The following ACCSL variants were observed in gnomAD, a reference collection of about 807,000 sequenced individuals.
The protein encoded by ACCSL is 1-aminocyclopropane-1-carboxylate synthase homolog (inactive) like.
A neutral mutation model predicts 61.7 loss-of-function variants in ACCSL; 55 were observed. The ratio of observed to expected loss-of-function variants is 0.89; its 90% CI spans 0.72 to 1.12. The LOEUF is 1.12. ACCSL is among the 50% of genes most tolerant of loss of function. The pLI, the probability that ACCSL is intolerant of heterozygous loss-of-function variation, is 0.00. For synonymous variants in ACCSL, 258 were observed against 264.3 expected (o/e 0.98, Z 0.23); for missense variants, 632 against 698.0 (o/e 0.91, Z 1.07).
Position 44,056,313 on chromosome 11 carries a change from G to A in ACCSL, c.1314G>A (p.Leu438=). 6.2e-7 allele frequency: 1 copy of A among 1,613,740 alleles called. No individual in the cohort carries two copies. Residue 438 remains leucine, a synonymous_variant, in exon 11 of 14, where the codon CTG becomes CTA. Coordinates refer to ENST00000378832, the MANE Select transcript of ACCSL (RefSeq NM_001031854.2). The part of the protein sequence containing the change: ...SGITQHKLCQ[L]LQNTEWIDKV... Reference sequence around the variant, plus strand: ...TCACCCAGCACAAGCTGTGTCAACTGCTCCAGAACACAGGTACTGAGCTCT... The same window carrying A: ...TCACCCAGCACAAGCTGTGTCAACTACTCCAGAACACAGGTACTGAGCTCT...
At chr11:43,970,698 C>G in the ACCSL span, among the ~76,000 whole-genome samples, 3 of 152,120 alleles carry the variant, frequency 2.0e-5, no homozygotes, top group African/African-American at 7.2e-5. Flanking sequence ...TTCCTCCTCC[C>G]CATTTATTTA....
intron 8 of ACCSL, among the ~76,000 whole-genome samples, chr11:44,054,708 G>T (rs565223702): frequency 1.3e-5 from 2 of 152,202 alleles, no homozygotes; most frequent in Admixed American, 6.5e-5. Flanking sequence ...ACCCACCTCG[G>T]CCTCCCAAAG....
At chr11:43,984,728 G>A in the ACCSL span, among the ~76,000 whole-genome samples, 6 of 152,346 alleles carry the variant, frequency 3.9e-5, no homozygotes, top group East Asian at 1.2e-3. Context: ...GCTTCCCCTC[G>A]TAGGACAATG....
the ACCSL span, among the ~76,000 whole-genome samples, chr11:44,013,129 A>G: frequency 3.9e-5 from 6 of 152,250 alleles, no homozygotes; most frequent in East Asian, 1.2e-3. Context: ...CTATATATGC[A>G]TATAAAGAAA....
At chr11:43,946,762 C>T in the ACCSL span, among the ~76,000 whole-genome samples, 1 of 152,074 alleles carries the variant, frequency 6.6e-6, no homozygotes, top group Non-Finnish European at 1.5e-5. Context: ...TTCCCACAAA[C>T]GGGTAGTTCT....
the ACCSL span, among the ~76,000 whole-genome samples, chr11:43,964,780 G>T: frequency 6.6e-6 from 1 of 152,164 alleles, no homozygotes; most frequent in Non-Finnish European, 1.5e-5. Context: ...ATGCAAGGGT[G>T]ATTCAGTGTA....
At chr11:43,964,222 T>A in the ACCSL span, among the ~76,000 whole-genome samples, 2 of 151,986 alleles carry the variant, frequency 1.3e-5, no homozygotes, top group Non-Finnish European at 1.5e-5. Flanking sequence ...GGTGGGCGGA[T>A]CATGAGGTCA....
chr11:44,058,661 G>A lies in ACCSL; in HGVS notation c.1586G>A (p.Cys529Tyr), dbSNP rs761249244. 21 of 1,613,302 alleles carry A rather than the reference G, an allele frequency of 1.3e-5. No homozygotes were observed. The highest frequency in any genetic ancestry group is 5.5e-5 in the South Asian group (5 of 91,046). ...TYMCKEPGWF[C>Y]LIFADELPRL... ...ATGTGTAAGGAGCCAGGCTGGTTCT[G>A]CCTCATCTTTGCAGATGAGCTCCCC... Residue 529 changes from cysteine to tyrosine, a missense_variant, in exon 13 of 14, where the codon TGC (cysteine) becomes TAC (tyrosine). Cys to Tyr is a radical substitution (Grantham distance 194, BLOSUM62 -2). Coordinates refer to ENST00000378832, the MANE Select transcript of ACCSL (RefSeq NM_001031854.2).
In ACCSL at chr11:44,059,582, A is replaced by G. The variant is rs554785625; in HGVS notation, c.1625-256A>G. Among the ~76,000 whole-genome samples the G allele has an allele frequency of 2.3e-3, 354 of 152,372 alleles. 2 individuals are homozygous for G. Among genetic ancestry groups the G allele is most frequent in the Non-Finnish European group, 2.9e-3 (197 of 68,036 alleles). The stretch of plus-strand genomic sequence containing the variant: ...GGCAAATAGAAATCCTGATTAGGCC[A>G]AGGCCATAAGCCCGAGAGTACAGGC... On this transcript the variant is annotated intron_variant, in intron 13 of 13. Coordinates refer to ENST00000378832, the MANE Select transcript of ACCSL (RefSeq NM_001031854.2).
the ACCSL span, among the ~76,000 whole-genome samples, chr11:44,012,203 C>T: frequency 6.6e-6 from 1 of 152,098 alleles, no homozygotes; most frequent in Admixed American, 6.5e-5. Context: ...ACTTTGTGCT[C>T]AGTCTTCCAG....
chr11:43,951,776 G>A, the ACCSL span, among the ~76,000 whole-genome samples: 1 of 152,222 alleles, frequency 6.6e-6, no homozygotes. Context: ...CGAGTCAGGT[G>A]GATCACTTGA....
the ACCSL span, among the ~76,000 whole-genome samples, chr11:44,013,752 C>T: frequency 6.7e-6 from 1 of 148,970 alleles, no homozygotes; most frequent in Non-Finnish European, 1.5e-5. Flanking sequence ...TAGTTTAATT[C>T]AAAAACAAAA....
At chr11:43,977,790 T>A in the ACCSL span, among the ~76,000 whole-genome samples, 1 of 152,212 alleles carries the variant, frequency 6.6e-6, no homozygotes, top group Non-Finnish European at 1.5e-5. Context: ...GGAGTCACAC[T>A]GACCTGGGTT....
the ACCSL span, among the ~76,000 whole-genome samples, chr11:43,934,025 G>A: frequency 1.3e-5 from 2 of 152,012 alleles, no homozygotes; most frequent in South Asian, 2.1e-4. Context: ...CTGATGGACC[G>A]ATGAGGGGGC....
the ACCSL span, among the ~76,000 whole-genome samples, chr11:44,004,846 G>T: frequency 6.6e-6 from 1 of 152,162 alleles, no homozygotes; most frequent in Non-Finnish European, 1.5e-5. Context: ...GCAAGAACCT[G>T]GTGATTTGCT....
chr11:44,056,063 A>G lies in ACCSL; in HGVS notation c.1163A>G (p.His388Arg), dbSNP rs1952669350. 3.1e-6 allele frequency: 5 copies of G among 1,614,230 alleles called. No individual in the cohort carries two copies. The highest frequency in any genetic ancestry group is 4.2e-6 in the Non-Finnish European group (5 of 1,180,042). Residue 388 changes from histidine to arginine, a missense_variant, in exon 10 of 14, where the codon CAT (histidine) becomes CGT (arginine). His to Arg is a conservative substitution (Grantham distance 29). Transcript: ENST00000378832. ...MKSLPDSNRT[H>R]VIWGTSKDFG... is the part of the protein sequence containing the mutation. The stretch of plus-strand genomic sequence containing the variant: ...AGTTTGCCTGATAGCAACAGGACCC[A>G]TGTGATCTGGGGTACCAGTAAGGTG...
At chr11:44,026,692 G>T in the ACCSL span, among the ~76,000 whole-genome samples, 1 of 151,782 alleles carries the variant, frequency 6.6e-6, no homozygotes, top group Non-Finnish European at 1.5e-5. Flanking sequence ...ACTAGGGTTT[G>T]TTATTGTCAT....
the ACCSL span, among the ~76,000 whole-genome samples, chr11:44,014,995 A>T: frequency 3.5e-3 from 536 of 152,278 alleles, 3 homozygotes; most frequent in Non-Finnish European, 5.2e-3. Flanking sequence ...GTGATGATAC[A>T]CATGCAGGGG....
chr11:43,923,405 G>T, the ACCSL span, among the ~76,000 whole-genome samples: 1 of 152,116 alleles, frequency 6.6e-6, no homozygotes, highest in African/African-American at 2.4e-5. Context: ...AAAGCTGAAT[G>T]TTTCCATAGT....
Sources: allele counts gnomAD v4.1 joint callset (sites outside exome capture counted in the v4.1 genomes callset), GRCh38; gene constraint gnomAD v4.1.1; transcripts MANE v1.5; gene names NCBI Gene and HGNC (gene_info 2026-07-23, HGNC 2026-07-21).